Variants in A4GALT observed in about 807,000 individuals in gnomAD.
The protein encoded by A4GALT is alpha 1,4-galactosyltransferase (P1PK blood group).
For missense variants in A4GALT, 512 were observed against 486.0 expected, an observed-to-expected ratio of 1.05 and a Z score of -0.50; for synonymous variants, 257 against 220.7, an observed-to-expected ratio of 1.16 and a Z score of -1.46.
chr22:42,694,166 G>C (rs554602389), intron 2 of A4GALT, among the ~76,000 whole-genome samples, 169 bp from the exon 3 acceptor site: 1 of 152,254 alleles, frequency 6.6e-6, no homozygotes, highest in African/African-American at 2.4e-5. Flanking sequence ...GCTCACCTAC[G>C]AAATGGGAGC....
At chr22:42,711,868 C>G (rs1040574593) in intron 1 of A4GALT, among the ~76,000 whole-genome samples, 1 of 152,092 alleles carries the variant, frequency 6.6e-6, no homozygotes, top group Admixed American at 6.6e-5. Context: ...AGTGATCCAC[C>G]CACCTCGGCC....
intron 1 of A4GALT, among the ~76,000 whole-genome samples, chr22:42,714,384 C>A (rs1222802340): frequency 2.0e-5 from 3 of 148,670 alleles, no homozygotes; most frequent in African/African-American, 7.4e-5. Flanking sequence ...GCCCAGGAGT[C>A]CGGGACCAGC....
At chr22:42,710,697 G>GAAATAAAT (rs57644282) in intron 1 of A4GALT, among the ~76,000 whole-genome samples, 1,675 of 144,368 alleles carry the variant, frequency 0.012, 26 homozygotes, top group African/African-American at 0.024. Context: ...ACTCCAGCTC[G>GAAATAAAT]AAATAAATAA....
intron 1 of A4GALT, among the ~76,000 whole-genome samples, chr22:42,696,872 T>G (rs943590449): frequency 6.6e-6 from 1 of 151,354 alleles, no homozygotes; most frequent in Non-Finnish European, 1.5e-5. Context: ...TGGCACCTGC[T>G]GTTCTTCTGC....
chr22:42,712,759 A>G (rs912484546), intron 1 of A4GALT, among the ~76,000 whole-genome samples: 2 of 152,158 alleles, frequency 1.3e-5, no homozygotes, highest in Non-Finnish European at 2.9e-5. Context: ...AAATACAAAA[A>G]TTGGCTGGGC....
intron 1 of A4GALT, among the ~76,000 whole-genome samples, chr22:42,698,240 C>A (rs552959903): frequency 1.1e-5 from 1 of 87,982 alleles, no homozygotes. Context: ...GAGCGAGACT[C>A]CGTCTCAAAA....
chr22:42,711,742 TCCTGCCTCAG>T lies in A4GALT; in HGVS notation c.-188+9045_-188+9054del, dbSNP rs571919699. Among the ~76,000 whole-genome samples, 17 of 152,254 alleles carry T rather than the reference TCCTGCCTCAG, an allele frequency of 1.1e-4. 1 individual carries two copies. Among genetic ancestry groups the T allele is most frequent in the Middle Eastern group, 3.4e-3 (1 of 294 alleles). Reference sequence around the variant, plus strand: ...TCCACTTCCTGGGTTGAAGAGATTCTCCTGCCTCAGCCTCCCGGGTAGCTGGGACTACAGA... The same window carrying T: ...TCCACTTCCTGGGTTGAAGAGATTCTCCTCCCGGGTAGCTGGGACTACAGA... On this transcript the variant is annotated intron_variant, in intron 1 of 2. Transcript: ENST00000642412.
intron 2 of A4GALT, 102 bp from the exon 3 acceptor site, chr22:42,694,099 A>G: frequency 1.3e-6 from 1 of 759,242 alleles, no homozygotes; most frequent in South Asian, 1.8e-5. Flanking sequence ...GCTGGCTTCC[A>G]AGCCCATGGG....
At chr22:42,709,067 A>ATATATATTTT (rs1180529043) in intron 1 of A4GALT, among the ~76,000 whole-genome samples, 9 of 128,804 alleles carry the variant, frequency 7.0e-5, no homozygotes, top group African/African-American at 2.5e-4. Context: ...ATATATATAT[A>ATATATATTTT]TTTTTTTTAA....
chr22:42,695,189 T>TGA (rs150591471), intron 2 of A4GALT: 1 of 70,146 alleles, frequency 1.4e-5, no homozygotes, highest in African/African-American at 1.5e-4. Context: ...CACCATCGAC[T>TGA]CTGACTTCTA....
At chr22:42,710,830 C>T (rs1485680705) in intron 1 of A4GALT, among the ~76,000 whole-genome samples, 2 of 151,764 alleles carry the variant, frequency 1.3e-5, no homozygotes, top group Admixed American at 1.3e-4. Context: ...GAGACCAGCC[C>T]AGGCAACATG....
intron 1 of A4GALT, among the ~76,000 whole-genome samples, chr22:42,701,852 G>C (rs1931318307): frequency 6.6e-6 from 1 of 152,154 alleles, no homozygotes; most frequent in Non-Finnish European, 1.5e-5. Flanking sequence ...AGCCAGCCCT[G>C]AGGCAAGCAG....
chr22:42,695,830 T>A (rs1243426495), intron 1 of A4GALT, among the ~76,000 whole-genome samples, 199 bp from the exon 2 acceptor site: 2 of 152,046 alleles, frequency 1.3e-5, no homozygotes, highest in Non-Finnish European at 2.9e-5. Context: ...AGACACAGCC[T>A]TTCCCTAAAG....
At position 42,693,658 on chromosome 22, in the gene A4GALT, C is replaced by T. The variant is rs1173467256; in HGVS notation, c.294G>A (p.Val98=). 1.9e-6 allele frequency: 3 copies of T among 1,612,988 alleles called. No individual in the cohort carries two copies. Among genetic ancestry groups the T allele is most frequent in the Non-Finnish European group, 2.5e-6 (3 of 1,179,922 alleles). The change falls in exon 3 of 3, where the codon GTG becomes GTA. Residue 98 remains valine (V), a synonymous_variant. Coordinates refer to ENST00000642412, the MANE Select transcript of A4GALT (RefSeq NM_017436.7). ...TNPNFLFMCS[V]ESAARTHPES... ...CGGGGTGAGTTCTGGCGGCCGACTCCACCGAGCACATGAACAGGAAGTTGG... is the reference window on the plus strand; with the variant it reads ...CGGGGTGAGTTCTGGCGGCCGACTCTACCGAGCACATGAACAGGAAGTTGG...
Position 42,693,996 on chromosome 22 carries a change from G to A in A4GALT, c.-45C>T. ...AGGAGCTTCCAGCAGGAACCGGCTG[G>A]TCTGCAAGAGATGAGCACCCGCCAT... On this transcript the variant is annotated splice_region_variant and 5_prime_UTR_variant, in exon 3 of 3. Transcript: ENST00000642412. 6.6e-7 allele frequency: 1 copy of A among 1,519,646 alleles called. No homozygotes were observed. The highest frequency in any genetic ancestry group is 8.9e-7 in the Non-Finnish European group (1 of 1,124,610). The allele number at this position is 1,519,646 out of a possible 1,614,324, so 94.1% of individuals were successfully genotyped here. A position where few individuals can be genotyped will look rare whatever the true frequency, so the allele number is the denominator to read the frequency against.
intron 1 of A4GALT, among the ~76,000 whole-genome samples, chr22:42,702,420 C>A (rs559481825): frequency 3.6e-4 from 55 of 151,944 alleles, no homozygotes; most frequent in Admixed American, 4.6e-4. Context: ...GGCTCACTGC[C>A]AACTTCCGCC....
chr22:42,717,468 T>G (rs1328275149), intron 1 of A4GALT, among the ~76,000 whole-genome samples: 1 of 152,036 alleles, frequency 6.6e-6, no homozygotes, highest in Non-Finnish European at 1.5e-5. Flanking sequence ...CAAAGCCAAT[T>G]CATCAAGTGT....
chr22:42,701,507 C>T (rs575117425), intron 1 of A4GALT, among the ~76,000 whole-genome samples: 25 of 152,274 alleles, frequency 1.6e-4, no homozygotes, highest in Admixed American at 4.6e-4. Context: ...AGAATGCTCC[C>T]GCCGCAGCAG....
intron 1 of A4GALT, among the ~76,000 whole-genome samples, chr22:42,708,649 G>A (rs1299302683): frequency 6.6e-6 from 1 of 151,850 alleles, no homozygotes; most frequent in South Asian, 2.1e-4. Flanking sequence ...GTAAAAAGCT[G>A]GCTTGTTGGA....
Sources: allele counts gnomAD v4.1 joint callset (sites outside exome capture counted in the v4.1 genomes callset), GRCh38; gene constraint gnomAD v4.1.1; transcripts MANE v1.5; gene names NCBI Gene and HGNC (gene_info 2026-07-23, HGNC 2026-07-21).